The following NIBAN3 variants were observed in gnomAD, a reference collection of about 807,000 sequenced individuals.
NIBAN3 encodes the protein protein Niban 3.
A neutral mutation model predicts 76.4 loss-of-function variants in NIBAN3; 66 were observed. That is an observed-to-expected ratio of 0.86 (90% CI 0.71 to 1.06). The LOEUF is 1.06. Ranked by LOEUF, NIBAN3 falls within the 50% of genes least tolerant of loss-of-function variation. The probability of loss-of-function intolerance (pLI) is 0.00; values close to 1 mark genes in which losing one functional copy is unlikely to be tolerated. For synonymous variants in NIBAN3, 360 were observed against 355.2 expected (o/e 1.01, Z -0.15); for missense variants, 808 against 810.7 (o/e 1.00, Z 0.04).
chr19:17,535,603 C>A (rs570293564), intron 4 of NIBAN3, among the ~76,000 whole-genome samples: 2 of 152,144 alleles, frequency 1.3e-5, no homozygotes, highest in African/African-American at 4.8e-5. Context: ...CAAAAATTAG[C>A]CGAGCGTGGT....
At position 17,533,609 on chromosome 19, in the gene NIBAN3, G is replaced by C. The variant is rs1599718676; in HGVS notation, c.335G>C (p.Cys112Ser). The change falls in exon 4 of 15, where the codon TGC (cysteine) becomes TCC (serine). Residue 112 changes from cysteine to serine, a missense_variant. By Grantham distance (112) the Cys-to-Ser change is moderately radical. Coordinates refer to ENST00000599164, the MANE Select transcript of NIBAN3 (RefSeq NM_001321827.2). ...TAGGAATATGAAAACGGGGGCCACT[G>C]CCTTGGCTCAACAGCCCTGACAGGA... ...HKEEYENGGH[C>S]LGSTALTGYT... 1 of 1,614,072 alleles carries C rather than the reference G, an allele frequency of 6.2e-7. No homozygotes were observed. The highest frequency in any genetic ancestry group is 8.5e-7 in the Non-Finnish European group (1 of 1,179,966).
chr19:17,545,910 T>TC, intron 12 of NIBAN3: 1 of 427,528 alleles, frequency 2.3e-6, no homozygotes, highest in Non-Finnish European at 4.7e-6. Flanking sequence ...TTCTCTAAAC[T>TC]CCCCCGGAGA....
At chr19:17,548,277 C>G (rs986133953) in intron 13 of NIBAN3, among the ~76,000 whole-genome samples, 2 of 152,138 alleles carry the variant, frequency 1.3e-5, no homozygotes, top group African/African-American at 4.8e-5. Flanking sequence ...CTGGAGGCTG[C>G]TGGAAGATGC....
At position 17,549,489 on chromosome 19, in the gene NIBAN3, A is replaced by G; in HGVS notation, c.1712A>G (p.Asp571Gly). ...GCCAATGATGTATCCTGCACTCTGG[A>G]CGGCTGCTTGGAGGTCCCATGGGAA... is the stretch of plus-strand genomic sequence containing the variant. ...LGANDVSCTL[D>G]GCLEVPWEQE... Residue 571 changes from aspartate to glycine, a missense_variant, in exon 14 of 15, where the codon GAC (aspartate) becomes GGC (glycine). Coordinates refer to ENST00000599164, the MANE Select transcript of NIBAN3 (RefSeq NM_001321827.2). 6.2e-7 allele frequency: 1 copy of G among 1,613,946 alleles called. No individual in the cohort carries two copies. The highest frequency in any genetic ancestry group is 8.5e-7 in the Non-Finnish European group (1 of 1,179,900).
In NIBAN3 at chr19:17,539,416, G is replaced by C. The variant is rs115590519; in HGVS notation, c.781G>C (p.Gly261Arg). The C allele has an allele frequency of 7.6e-3, 11,531 of 1,518,272 alleles. 443 individuals carry two copies. In the African/African-American group the frequency reaches 0.11, roughly 14 times the overall value. 94.1% of individuals were successfully genotyped at this position (1,518,272 alleles called of 1,614,324 possible). A position where few individuals can be genotyped will look rare whatever the true frequency, so the allele number is the denominator to read the frequency against. ...LRAQTLPGLRGAGRARAWAWT... is the reference protein window; with the variant it reads ...LRAQTLPGLRRAGRARAWAWT... ...AGCCCAGACCCTTCCTGGCCTGCGG[G>C]GGGCAGGCCGCGCCCGCGCCTGGGC... Residue 261 changes from glycine to arginine, a missense_variant, in exon 7 of 15, where the codon GGG (glycine) becomes CGG (arginine). Gly to Arg is a moderately radical substitution (Grantham distance 125). Transcript: ENST00000599164.
chr19:17,539,621 G>T lies in NIBAN3; in HGVS notation c.835G>T (p.Ala279Ser), dbSNP rs746005676. ...TGGGCAGCTTCTAGACGCCGTTCAC[G>T]CAGCTGTCCTGGCCGGGGCCTCCGC... ...AWTELLDAVH[A>S]AVLAGASAGL... Residue 279 changes from alanine (A) to serine (S), a missense_variant, in exon 8 of 15, where the codon GCA (alanine) becomes TCA (serine). Transcript: ENST00000599164. 5.1e-6 allele frequency: 8 copies of T among 1,559,848 alleles called. No homozygotes were observed. The highest frequency in any genetic ancestry group is 6.1e-6 in the Non-Finnish European group (7 of 1,149,000).
chr19:17,554,383 G>C (rs2040636427), downstream of NIBAN3, among the ~76,000 whole-genome samples: 2 of 151,490 alleles, frequency 1.3e-5, no homozygotes, highest in Admixed American at 1.3e-4. Context: ...GGGAGGCTGA[G>C]GCAGGAGGAT....
At chr19:17,530,401 C>T (rs988348918) in intron 1 of NIBAN3, among the ~76,000 whole-genome samples, 6 of 151,474 alleles carry the variant, frequency 4.0e-5, no homozygotes, top group Admixed American at 1.3e-4. Flanking sequence ...AGCATGATGG[C>T]GTGCGCCTGT....
chr19:17,546,719 G>T lies in NIBAN3; in HGVS notation c.1588G>T (p.Val530Leu), dbSNP rs779702044. 3 of 1,599,664 alleles carry T rather than the reference G, an allele frequency of 1.9e-6. No homozygotes were observed. The South Asian group carries it at 3.4e-5, about 18-fold the overall frequency. Residue 530 changes from valine (V) to leucine (L), a missense_variant, in exon 13 of 15, where the codon GTG becomes TTG. Coordinates refer to ENST00000599164, the MANE Select transcript of NIBAN3 (RefSeq NM_001321827.2). Reference sequence around the variant, plus strand: ...TGAGTTCGAGGGGGATGTCCTTGCCGTGGGCAGCCAGGCTCTGACCACTGA... The same window carrying T: ...TGAGTTCGAGGGGGATGTCCTTGCCTTGGGCAGCCAGGCTCTGACCACTGA... ...LPEFEGDVLA[V>L]GSQALTTEGI...
At chr19:17,548,332 A>C (rs1386565712) in intron 13 of NIBAN3, among the ~76,000 whole-genome samples, 1 of 152,184 alleles carries the variant, frequency 6.6e-6, no homozygotes, top group African/African-American at 2.4e-5. Context: ...CTTATGGTGC[A>C]GGCAGTGGGG....
At chr19:17,549,596 G>A (rs1401676479) in intron 14 of NIBAN3, 69 bp downstream of exon 14, 7 of 1,171,454 alleles carry the variant, frequency 6.0e-6, no homozygotes, top group Non-Finnish European at 7.7e-6. Context: ...AGGCCCACAT[G>A]GGGTGTATGG....
At chr19:17,539,032 C>A in intron 5 of NIBAN3, 118 bp from the exon 6 acceptor site, 1 of 810,634 alleles carries the variant, frequency 1.2e-6, no homozygotes, top group South Asian at 1.8e-5. Flanking sequence ...ATGCAAAGTT[C>A]CAGAGATGGG....
At chr19:17,532,524 G>A in intron 3 of NIBAN3, 136 bp downstream of exon 3, 1 of 1,416,334 alleles carries the variant, frequency 7.1e-7, no homozygotes, top group Non-Finnish European at 9.9e-7. Context: ...GTGCCCCTAT[G>A]TGTTTGGCCT....
At chr19:17,527,150 C>A, upstream of NIBAN3, 1 of 1,464,178 alleles carries the variant, frequency 6.8e-7, no homozygotes, top group Non-Finnish European at 9.2e-7. Context: ...TCTACAGAAA[C>A]CACTGGCTCT....
At position 17,534,016 on chromosome 19, in the gene NIBAN3, C is replaced by T. The variant is rs115204806; in HGVS notation, c.427+315C>T. ...TGAGGGGGAGAGTTAGGTCATGGGACCAGAATCAGAATAGCAAAGGATAAA... is the reference window on the plus strand; with the variant it reads ...TGAGGGGGAGAGTTAGGTCATGGGATCAGAATCAGAATAGCAAAGGATAAA... On this transcript the variant is annotated intron_variant, in intron 4 of 14. Coordinates refer to ENST00000599164, the MANE Select transcript of NIBAN3 (RefSeq NM_001321827.2). 2.9e-3 allele frequency among the ~76,000 whole-genome samples: 440 copies of T among 152,250 alleles called. 3 individuals carry two copies. Among genetic ancestry groups the T allele is most frequent in the African/African-American group, 0.01 (422 of 41,544 alleles).
At chr19:17,532,159 C>A in intron 2 of NIBAN3, 104 bp from the exon 3 acceptor site, 1 of 1,395,008 alleles carries the variant, frequency 7.2e-7, no homozygotes, top group Non-Finnish European at 9.5e-7. Flanking sequence ...TGGGGCATCA[C>A]GGGACCTTAG....
chr19:17,523,904 G>A (rs543582262), upstream of NIBAN3, among the ~76,000 whole-genome samples: 1 of 152,066 alleles, frequency 6.6e-6, no homozygotes, highest in East Asian at 1.9e-4. Flanking sequence ...TTTCTTTTTT[G>A]GGGGGACACG....
At chr19:17,528,382 G>A (rs1045580375) in intron 1 of NIBAN3, among the ~76,000 whole-genome samples, 12 of 152,278 alleles carry the variant, frequency 7.9e-5, no homozygotes, top group Non-Finnish European at 1.8e-4. Flanking sequence ...GTGAGCCACT[G>A]TGCCCAGAAG....
upstream of NIBAN3, among the ~76,000 whole-genome samples, chr19:17,524,269 C>T (rs1441520504): frequency 2.6e-5 from 4 of 151,784 alleles, no homozygotes; most frequent in East Asian, 7.8e-4. Context: ...CCTTGCCCGT[C>T]TCATCATCTG....
Sources: allele counts gnomAD v4.1 joint callset (sites outside exome capture counted in the v4.1 genomes callset), GRCh38; gene constraint gnomAD v4.1.1; transcripts MANE v1.5; gene names NCBI Gene and HGNC (gene_info 2026-07-23, HGNC 2026-07-21).